The following SYNGR1 variants were observed in gnomAD, a reference collection of about 807,000 sequenced individuals.
SYNGR1 encodes the protein synaptogyrin-1.
Under a neutral mutation model 26.1 loss-of-function variants are expected in SYNGR1, and 14 were observed. The observed-to-expected ratio is 0.54, with a 90% CI of 0.35 to 0.84. The LOEUF is 0.84. Among genes scored for constraint, SYNGR1 ranks in the 40% least tolerant of loss-of-function variants. SYNGR1 has a pLI of 0.01. For synonymous variants in SYNGR1, 141 were observed against 150.1 expected (o/e 0.94, Z 0.44); for missense variants, 319 against 332.9 (o/e 0.96, Z 0.33).
At chr22:39,368,944 G>A (rs1256075171) in intron 1 of SYNGR1, among the ~76,000 whole-genome samples, 1 of 152,166 alleles carries the variant, frequency 6.6e-6, no homozygotes, top group African/African-American at 2.4e-5. Context: ...CTGGGTACTT[G>A]CTCTAATTCT....
chr22:39,377,102 T>A, intron 3 of SYNGR1: 1 of 1,544,700 alleles, frequency 6.5e-7, no homozygotes, highest in Non-Finnish European at 8.7e-7. Flanking sequence ...CGGCGAGCAC[T>A]TCTGGGCCCA....
chr22:39,368,804 C>T (rs1176824268), intron 1 of SYNGR1, among the ~76,000 whole-genome samples: 3 of 152,342 alleles, frequency 2.0e-5, no homozygotes, highest in Non-Finnish European at 2.9e-5. Context: ...GGGTCTCCTC[C>T]AGCCCCCGGA....
chr22:39,369,294 T>G (rs1924912119), intron 1 of SYNGR1, among the ~76,000 whole-genome samples: 1 of 151,048 alleles, frequency 6.6e-6, no homozygotes, highest in South Asian at 2.2e-4. Flanking sequence ...GCTGGCCGTG[T>G]ACTGCACATC....
At chr22:39,375,611 G>A in intron 2 of SYNGR1, 1 of 431,070 alleles carries the variant, frequency 2.3e-6, no homozygotes, top group Non-Finnish European at 4.1e-6. Flanking sequence ...TTGTCTGGCA[G>A]CCTGAGGGTT....
chr22:39,375,751 C>G, intron 2 of SYNGR1: 1 of 600,548 alleles, frequency 1.7e-6, no homozygotes, highest in South Asian at 2.0e-5. Flanking sequence ...CCTTCTTTCT[C>G]TGTCTCTCCC....
chr22:39,384,931 C>A lies in SYNGR1; in HGVS notation c.*3017C>A. 1 of 398,928 alleles carries A rather than the reference C, an allele frequency of 2.5e-6. No individual in the cohort carries two copies. The highest frequency in any genetic ancestry group is 1.3e-4 in the South Asian group (1 of 7,842). The allele number at this position is 398,928 out of a possible 1,614,324, so 24.7% of individuals were successfully genotyped here. ...TCTGAGTTGGCTCATCCTGGGCAGT[C>A]ACAGACTGTCCTGCCTGCACGGCTC... On this transcript the variant is annotated 3_prime_UTR_variant, in exon 4 of 4. Coordinates refer to ENST00000328933, the MANE Select transcript of SYNGR1 (RefSeq NM_004711.5).
rs1424702510 is a variant in SYNGR1 at position 39,383,301 on chromosome 22, G to C, written c.*1387G>C. The C allele has an allele frequency of 6.6e-6, 1 of 152,406 alleles. No individual in the cohort carries two copies. The highest frequency in any genetic ancestry group is 2.1e-4 in the South Asian group (1 of 4,830). The allele number at this position is 152,406 out of a possible 1,614,324, so 9.4% of individuals were successfully genotyped here. On this transcript the variant is annotated 3_prime_UTR_variant, in exon 4 of 4. Transcript: ENST00000328933. ...TGGGCTGTGGCCGTGGAGAGACACT[G>C]CCCCCAGGATGACACAGGCAAGAGC...
At chr22:39,353,481 G>A (rs1358186929) in intron 1 of SYNGR1, among the ~76,000 whole-genome samples, 1 of 152,210 alleles carries the variant, frequency 6.6e-6, no homozygotes, top group Non-Finnish European at 1.5e-5. Context: ...CACTGCATCC[G>A]GCATGGCTTG....
chr22:39,358,548 G>A (rs1924293866), intron 1 of SYNGR1, among the ~76,000 whole-genome samples: 1 of 151,542 alleles, frequency 6.6e-6, no homozygotes, highest in African/African-American at 2.4e-5. Context: ...AGCCCACCGG[G>A]AGGAACGAAC....
At chr22:39,364,337 C>G in intron 1 of SYNGR1, 1 of 1,613,714 alleles carries the variant, frequency 6.2e-7, no homozygotes, top group Non-Finnish European at 8.5e-7. Context: ...GAGGCAGGGC[C>G]TCTCTGAGCC....
chr22:39,376,039 T>C lies in SYNGR1; in HGVS notation c.338-13T>C. 1 of 1,614,164 alleles carries C rather than the reference T, an allele frequency of 6.2e-7. No individual in the cohort carries two copies. The highest frequency in any genetic ancestry group is 8.5e-7 in the Non-Finnish European group (1 of 1,180,020). ...TGGCACTGCCTATTCTGCCCGGTCC[T>C]GGGACCCCCCAGCCTTCTGGGCTTT... On this transcript the variant is annotated splice_polypyrimidine_tract_variant and intron_variant, in intron 2 of 3. Transcript: ENST00000328933.
chr22:39,377,599 G>T (rs769109986), intron 3 of SYNGR1: 1 of 1,613,802 alleles, frequency 6.2e-7, no homozygotes, highest in South Asian at 1.1e-5. Context: ...TCCTGGCAGA[G>T]CCTGACCGCA....
chr22:39,355,091 C>T (rs905595976), intron 1 of SYNGR1, among the ~76,000 whole-genome samples: 8 of 152,200 alleles, frequency 5.3e-5, no homozygotes, highest in Non-Finnish European at 8.8e-5. Context: ...AAGGCACTCT[C>T]GCTCCAATAA....
At chr22:39,357,446 A>G (rs894820583) in intron 1 of SYNGR1, among the ~76,000 whole-genome samples, 1 of 152,070 alleles carries the variant, frequency 6.6e-6, no homozygotes, top group Non-Finnish European at 1.5e-5. Flanking sequence ...GCATTTGAGG[A>G]GCCCTTCAGC....
rs1925532561 is a variant in SYNGR1 at position 39,382,538 on chromosome 22, C to G, written c.*624C>G. 1 of 156,530 alleles carries G rather than the reference C, an allele frequency of 6.4e-6. No homozygotes were observed. Among genetic ancestry groups the G allele is most frequent in the Non-Finnish European group, 1.4e-5 (1 of 70,462 alleles). 9.7% of individuals were successfully genotyped at this position (156,530 alleles called of 1,614,324 possible). ...GCTAGTGATAGAGGTGGGGCCAAGCCCAGGCTGCCCGACTGCAGACCACGT... is the reference window on the plus strand; with the variant it reads ...GCTAGTGATAGAGGTGGGGCCAAGCGCAGGCTGCCCGACTGCAGACCACGT... On this transcript the variant is annotated 3_prime_UTR_variant, in exon 4 of 4. Coordinates refer to ENST00000328933, the MANE Select transcript of SYNGR1 (RefSeq NM_004711.5).
At chr22:39,362,340 C>G (rs1924516594) in intron 1 of SYNGR1, among the ~76,000 whole-genome samples, 1 of 152,118 alleles carries the variant, frequency 6.6e-6, no homozygotes. Flanking sequence ...CCACCGAGCA[C>G]TCGGGGCGAC....
intron 2 of SYNGR1, 31 bp downstream of exon 2, chr22:39,374,584 CAG>C (rs1221535775): frequency 6.2e-7 from 1 of 1,603,262 alleles, no homozygotes; most frequent in Non-Finnish European, 8.5e-7. Flanking sequence ...ACCCCCTGCA[CAG>C]AGTCTACAGA....
In SYNGR1 at chr22:39,371,101, T is replaced by C. The variant is rs182285079; in HGVS notation, c.100-3215T>C. 7.2e-5 allele frequency among the ~76,000 whole-genome samples: 11 copies of C among 152,320 alleles called. No homozygotes were observed. The East Asian group carries it at 2.1e-3, about 29-fold the overall frequency. On this transcript the variant is annotated intron_variant, in intron 1 of 3. Coordinates refer to ENST00000328933, the MANE Select transcript of SYNGR1 (RefSeq NM_004711.5). ...AAGATAATATTAAGAATGCTTCTCA[T>C]ATTTTTCACATACCTGTCCTGGAAT...
intron 3 of SYNGR1, chr22:39,379,633 CAAAAAAAAAAAG>C (rs1221651027): frequency 5.4e-5 from 7 of 129,894 alleles, no homozygotes; most frequent in Non-Finnish European, 8.1e-5. Context: ...GACTCTGTCT[CAAAAAAAAAAAG>C]AAAAAAAAAA....
Sources: gnomAD v4.1 joint callset for allele counts (sites outside exome capture counted in the v4.1 genomes callset) on GRCh38, gnomAD v4.1.1 for gene constraint, MANE v1.5 for transcripts, NCBI Gene and HGNC (gene_info 2026-07-23, HGNC 2026-07-21) for gene names.